The following GRID2 variants were observed in gnomAD, a reference collection of about 807,000 sequenced individuals.
GRID2 encodes the protein glutamate receptor ionotropic, delta-2.
In GRID2, 33 loss-of-function variants were observed where a neutral mutation model predicts 114.8. That is an observed-to-expected ratio of 0.29 (90% CI 0.22 to 0.38). The LOEUF (loss-of-function observed/expected upper bound fraction) is 0.38, where lower values mean the gene tolerates loss of function less well. Ranked by LOEUF, GRID2 falls within the 10% of genes least tolerant of loss-of-function variation. The pLI is 1.00. For synonymous variants in GRID2, 505 were observed against 449.9 expected (o/e 1.12, Z -1.55); for missense variants, 1,184 against 1,257.7 (o/e 0.94, Z 0.89).
At chr4:92,485,025 T>C (rs1237397624) in intron 1 of GRID2, among the ~76,000 whole-genome samples, 1 of 151,764 alleles carries the variant, frequency 6.6e-6, no homozygotes, top group East Asian at 1.9e-4. Context: ...AAACAAATAT[T>C]TAAGTGGCTG....
chr4:93,035,803 C>G (rs979754134), intron 2 of GRID2, among the ~76,000 whole-genome samples: 1 of 152,136 alleles, frequency 6.6e-6, no homozygotes, highest in African/African-American at 2.4e-5. Flanking sequence ...GAGAGCAGAG[C>G]CTGAAATGTA....
At position 92,397,489 on chromosome 4, in the gene GRID2, A is replaced by G. The variant is rs764164298; in HGVS notation, c.88+92745A>G. 3.3e-5 allele frequency among the ~76,000 whole-genome samples: 5 copies of G among 152,016 alleles called. 1 individual carries two copies. The highest frequency in any genetic ancestry group is 5.9e-5 in the Non-Finnish European group (4 of 67,972). On this transcript the variant is annotated intron_variant, in intron 1 of 15. Coordinates refer to ENST00000282020, the MANE Select transcript of GRID2 (RefSeq NM_001510.4). ...AAATATAATAGAAGGCATGCCTAAT[A>G]CATTGTTTACTATTGGAAAATTGAA...
At chr4:92,489,824 C>T (rs538654953) in intron 1 of GRID2, among the ~76,000 whole-genome samples, 10 of 144,960 alleles carry the variant, frequency 6.9e-5, no homozygotes, top group African/African-American at 2.3e-4. Flanking sequence ...CCAGCCTGGG[C>T]GATAGAGCGA....
intron 2 of GRID2, among the ~76,000 whole-genome samples, chr4:92,984,385 T>C (rs1179462649): frequency 6.6e-6 from 1 of 152,248 alleles, no homozygotes. Context: ...CTTATATCAT[T>C]GCAGAAAGAT....
At chr4:93,079,942 C>A (rs917704229) in intron 2 of GRID2, among the ~76,000 whole-genome samples, 2 of 151,990 alleles carry the variant, frequency 1.3e-5, no homozygotes, top group Non-Finnish European at 2.9e-5. Context: ...TCTGTATTTT[C>A]ACTTCCTAAG....
At chr4:92,452,605 G>C (rs570159487) in intron 1 of GRID2, among the ~76,000 whole-genome samples, 3 of 152,016 alleles carry the variant, frequency 2.0e-5, no homozygotes, top group African/African-American at 7.2e-5. Flanking sequence ...GGAATACAGG[G>C]GTGAGCCAAG....
At chr4:93,680,016 T>C (rs1298161326) in intron 14 of GRID2, among the ~76,000 whole-genome samples, 3 of 150,520 alleles carry the variant, frequency 2.0e-5, no homozygotes, top group Admixed American at 6.6e-5. Context: ...ATCAACAAAA[T>C]TGATAGACCG....
chr4:92,448,323 T>C (rs1444047566), intron 1 of GRID2, among the ~76,000 whole-genome samples: 1 of 152,086 alleles, frequency 6.6e-6, no homozygotes, highest in African/African-American at 2.4e-5. Flanking sequence ...TATAGGTACA[T>C]GCCACCATGC....
At chr4:92,983,489 C>A in intron 2 of GRID2, among the ~76,000 whole-genome samples, 1 of 152,180 alleles carries the variant, frequency 6.6e-6, no homozygotes, top group African/African-American at 2.4e-5. Flanking sequence ...CAGCAGTAAT[C>A]TCATGATGCA....
At chr4:92,384,522 TAATATA>T (rs1729795694) in intron 1 of GRID2, among the ~76,000 whole-genome samples, 1 of 32,128 alleles carries the variant, frequency 3.1e-5, no homozygotes, top group Non-Finnish European at 4.9e-5. Context: ...TAATATTATA[TAATATA>T]ATATATAATA....
At chr4:93,012,562 G>T (rs998279454) in intron 2 of GRID2, among the ~76,000 whole-genome samples, 2 of 152,130 alleles carry the variant, frequency 1.3e-5, no homozygotes, top group Non-Finnish European at 2.9e-5. Context: ...GTATCATCCA[G>T]AGCTGGACTC....
chr4:93,744,258 A>G (rs1284645316), intron 14 of GRID2, among the ~76,000 whole-genome samples: 1 of 152,182 alleles, frequency 6.6e-6, no homozygotes, highest in African/African-American at 2.4e-5. Flanking sequence ...AGTAGTTTTG[A>G]CTTCCAAGTC....
chr4:93,332,706 C>G (rs1175700295), intron 8 of GRID2, among the ~76,000 whole-genome samples: 2 of 152,054 alleles, frequency 1.3e-5, no homozygotes, highest in African/African-American at 4.8e-5. Flanking sequence ...GGAATATGTT[C>G]TTGGGTACAG....
At chr4:92,485,873 A>G (rs1722862116) in intron 1 of GRID2, among the ~76,000 whole-genome samples, 1 of 152,128 alleles carries the variant, frequency 6.6e-6, no homozygotes, top group Admixed American at 6.6e-5. Flanking sequence ...ATTTTACATA[A>G]ATAGCTTTCT....
chr4:92,515,770 C>T (rs928776754), intron 1 of GRID2, among the ~76,000 whole-genome samples: 48 of 152,008 alleles, frequency 3.2e-4, no homozygotes, highest in African/African-American at 1.2e-3. Context: ...TAATTGGATA[C>T]ATTCTGTGAT....
At chr4:93,012,527 A>T (rs940529136) in intron 2 of GRID2, among the ~76,000 whole-genome samples, 6 of 152,048 alleles carry the variant, frequency 3.9e-5, no homozygotes, top group African/African-American at 1.4e-4. Flanking sequence ...GTGGTAGCTT[A>T]TTGCCACATC....
intron 14 of GRID2, among the ~76,000 whole-genome samples, chr4:93,646,092 T>C (rs541717384): frequency 1.3e-5 from 2 of 152,262 alleles, no homozygotes; most frequent in South Asian, 4.1e-4. Flanking sequence ...GATAAAACAG[T>C]GAACAAGACT....
chr4:92,851,240 C>T (rs1743765470), intron 2 of GRID2, among the ~76,000 whole-genome samples: 1 of 151,732 alleles, frequency 6.6e-6, no homozygotes, highest in African/African-American at 2.4e-5. Context: ...TTTAGCAATT[C>T]AAAAGTGCTT....
At chr4:93,264,399 T>C (rs919361954) in intron 8 of GRID2, among the ~76,000 whole-genome samples, 1 of 152,196 alleles carries the variant, frequency 6.6e-6, no homozygotes, top group Admixed American at 6.6e-5. Flanking sequence ...AAGGTGACAA[T>C]AATTAGACCC....
Sources: gnomAD v4.1 joint callset for allele counts (sites outside exome capture counted in the v4.1 genomes callset) on GRCh38, gnomAD v4.1.1 for gene constraint, MANE v1.5 for transcripts, NCBI Gene and HGNC (gene_info 2026-07-23, HGNC 2026-07-21) for gene names.